Variants in ZMAT4 observed in about 807,000 individuals in gnomAD.
The protein encoded by ZMAT4 is zinc finger matrin-type protein 4.
ZMAT4 carries 17 observed loss-of-function variants against 28.7 expected under a neutral mutation model. That is an observed-to-expected ratio of 0.59 (90% CI 0.41 to 0.89). The LOEUF is 0.89. Ranked by LOEUF, ZMAT4 falls within the 40% of genes least tolerant of loss-of-function variation. ZMAT4 has a pLI of 0.00. For synonymous variants in ZMAT4, 117 were observed against 109.2 expected (o/e 1.07, Z -0.44); for missense variants, 240 against 283.8 (o/e 0.85, Z 1.11).
intron 3 of ZMAT4, among the ~76,000 whole-genome samples, chr8:40,720,751 C>T (rs1299396878): frequency 6.6e-6 from 1 of 151,922 alleles, no homozygotes; most frequent in East Asian, 1.9e-4. Context: ...GTCTTGAACT[C>T]CTGACCTCAA....
At chr8:40,725,888 A>C (rs775914435) in intron 3 of ZMAT4, among the ~76,000 whole-genome samples, 1 of 151,864 alleles carries the variant, frequency 6.6e-6, no homozygotes, top group South Asian at 2.1e-4. Context: ...TAAAACTGAT[A>C]ATAGTATTCT....
At chr8:40,576,138 A>G (rs979088880) in intron 6 of ZMAT4, among the ~76,000 whole-genome samples, 1 of 152,152 alleles carries the variant, frequency 6.6e-6, no homozygotes, top group Non-Finnish European at 1.5e-5. Context: ...ATAATAAAGA[A>G]TAAAAAAGAT....
rs1229558048 is a variant in ZMAT4, at chr8:40,770,801, G to A, written c.103-3071C>T. ...GGCCTCAAGTGAGCCGCCCACCTCA[G>A]CCATCCTTTCCTTTCTTCCTGGCTT... On this transcript the variant is annotated intron_variant, in intron 2 of 6. Transcript: ENST00000297737. 6.6e-5 allele frequency among the ~76,000 whole-genome samples: 10 copies of A among 152,086 alleles called. No individual in the cohort carries two copies. The South Asian group carries it at 2.1e-3, about 32-fold the overall frequency.
chr8:40,760,774 T>TTCTC (rs148721827), intron 3 of ZMAT4, among the ~76,000 whole-genome samples: 2 of 141,404 alleles, frequency 1.4e-5, no homozygotes, highest in African/African-American at 2.6e-5. Flanking sequence ...CTCTCTCTCT[T>TTCTC]TCTCTCTCTC....
intron 5 of ZMAT4, among the ~76,000 whole-genome samples, chr8:40,591,090 G>C (rs1804877703): frequency 6.6e-6 from 1 of 152,092 alleles, no homozygotes; most frequent in Admixed American, 6.6e-5. Context: ...CTTCATGTCT[G>C]TGTCTTTCAA....
intron 2 of ZMAT4, among the ~76,000 whole-genome samples, chr8:40,808,767 C>T (rs1446420874): frequency 6.6e-6 from 1 of 150,860 alleles, no homozygotes; most frequent in Admixed American, 6.6e-5. Context: ...AGAAAATCTC[C>T]AATAAGATGC....
At chr8:40,579,740 ATTCAT>A (rs1486964087) in intron 6 of ZMAT4, among the ~76,000 whole-genome samples, 1 of 152,166 alleles carries the variant, frequency 6.6e-6, no homozygotes. Flanking sequence ...GAAATCACAT[ATTCAT>A]TTAATCAAAA....
At chr8:40,722,076 A>G (rs1278542453) in intron 3 of ZMAT4, among the ~76,000 whole-genome samples, 1 of 152,054 alleles carries the variant, frequency 6.6e-6, no homozygotes, top group African/African-American at 2.4e-5. Context: ...AAACCCTAGA[A>G]GAAAACCTAG....
At chr8:40,662,068 A>C (rs1300773429) in intron 5 of ZMAT4, among the ~76,000 whole-genome samples, 1 of 152,144 alleles carries the variant, frequency 6.6e-6, no homozygotes, top group Non-Finnish European at 1.5e-5. Flanking sequence ...TCTCTGCCTC[A>C]CAGGCTCAAG....
chr8:40,888,990 C>T lies in ZMAT4; in HGVS notation c.-5+8693G>A, dbSNP rs572361337. 6.6e-4 allele frequency among the ~76,000 whole-genome samples: 101 copies of T among 152,338 alleles called. 1 individual carries two copies. The highest frequency in any genetic ancestry group is 1.5e-3 in the Admixed American group (23 of 15,304). ...CCAGAGTAGCCCACTCTGAAAAGAG[C>T]ATGGTGTGGGGCAGTAAAGTTTCTT... On this transcript the variant is annotated intron_variant, in intron 1 of 6. Transcript: ENST00000297737.
chr8:40,636,668 G>A (rs1806803748), intron 5 of ZMAT4, among the ~76,000 whole-genome samples: 1 of 152,148 alleles, frequency 6.6e-6, no homozygotes. Flanking sequence ...GTAATTAAAA[G>A]GTGGAGCTTT....
At chr8:40,787,733 G>A (rs1376013328) in intron 2 of ZMAT4, among the ~76,000 whole-genome samples, 2 of 152,214 alleles carry the variant, frequency 1.3e-5, no homozygotes, top group Admixed American at 1.3e-4. Flanking sequence ...CTCACAGGCA[G>A]AGAGCACCCA....
intron 2 of ZMAT4, among the ~76,000 whole-genome samples, chr8:40,804,011 A>C (rs1586079859): frequency 6.6e-6 from 1 of 152,240 alleles, no homozygotes; most frequent in Non-Finnish European, 1.5e-5. Context: ...GATTCCAACT[A>C]TATGACATTC....
At chr8:40,533,538 TGA>T (rs1363236714) in intron 6 of ZMAT4, among the ~76,000 whole-genome samples, 3 of 152,160 alleles carry the variant, frequency 2.0e-5, no homozygotes, top group African/African-American at 7.2e-5. Flanking sequence ...GTCTGGTAAA[TGA>T]AAATTCAAAA....
intron 5 of ZMAT4, among the ~76,000 whole-genome samples, chr8:40,642,835 C>A (rs1037787255): frequency 6.6e-6 from 1 of 152,182 alleles, no homozygotes; most frequent in Admixed American, 6.5e-5. Context: ...CTCTGGAAAC[C>A]TCACATATAA....
chr8:40,756,424 TTTTATATATA>T (rs1483202415), intron 3 of ZMAT4, among the ~76,000 whole-genome samples: 2 of 24,136 alleles, frequency 8.3e-5, no homozygotes, highest in East Asian at 4.3e-3. Context: ...GGAAATGTTC[TTTTATATATA>T]TATATATATA....
At chr8:40,799,225 G>GGATA (rs201437370) in intron 2 of ZMAT4, among the ~76,000 whole-genome samples, 21,364 of 150,570 alleles carry the variant, frequency 0.14, 2,237 homozygotes, top group East Asian at 0.34. Context: ...ATGGATGGAT[G>GGATA]GATAGATAGA....
chr8:40,798,553 C>T (rs189105729), intron 2 of ZMAT4, among the ~76,000 whole-genome samples: 2 of 152,290 alleles, frequency 1.3e-5, no homozygotes, highest in East Asian at 3.9e-4. Flanking sequence ...TTTCCATATG[C>T]TGCATAAATC....
intron 3 of ZMAT4, among the ~76,000 whole-genome samples, chr8:40,709,964 G>A (rs1005777635): frequency 9.2e-5 from 14 of 151,720 alleles, no homozygotes; most frequent in East Asian, 7.8e-4. Context: ...CGTGAACCCC[G>A]GAGGTGGAGG....
Sources: allele counts gnomAD v4.1 joint callset (sites outside exome capture counted in the v4.1 genomes callset), GRCh38; gene constraint gnomAD v4.1.1; transcripts MANE v1.5; gene names NCBI Gene and HGNC (gene_info 2026-07-23, HGNC 2026-07-21).